DLG2: variants seen among roughly 807,000 people sequenced by gnomAD.
The protein encoded by DLG2 is discs large MAGUK scaffold protein 2.
In DLG2, 45 loss-of-function variants were observed where a neutral mutation model predicts 132.5. The ratio of observed to expected loss-of-function variants is 0.34; its 90% confidence interval spans 0.27 to 0.44. The LOEUF is 0.44. Ranked by LOEUF, DLG2 falls within the 20% of genes least tolerant of loss-of-function variation. The pLI is 1.00. For synonymous variants in DLG2, 424 were observed against 419.6 expected (o/e 1.01, Z -0.13); for missense variants, 1,045 against 1,196.9 (o/e 0.87, Z 1.87).
At chr11:84,750,906 T>C (rs2066022531) in intron 6 of DLG2, among the ~76,000 whole-genome samples, 1 of 152,174 alleles carries the variant, frequency 6.6e-6, no homozygotes, top group South Asian at 2.1e-4. Flanking sequence ...CACTTCCCAG[T>C]GGTTTCTGGA....
rs563910953 is a variant in DLG2, at chr11:84,673,929, T to C, written c.358-139198A>G. Among the ~76,000 whole-genome samples the C allele has an allele frequency of 2.0e-3, 304 of 152,264 alleles. 1 individual carries two copies. The highest frequency in any genetic ancestry group is 0.01 in the Middle Eastern group (3 of 294). Reference sequence around the variant, plus strand: ...ATGCAAATGCTGGCTTGCTGTCTTCTGAATAGGAGTAACAGCTTTCATATG... The same window carrying C: ...ATGCAAATGCTGGCTTGCTGTCTTCCGAATAGGAGTAACAGCTTTCATATG... On this transcript the variant is annotated intron_variant, in intron 6 of 27. Coordinates refer to ENST00000376104, the MANE Select transcript of DLG2 (RefSeq NM_001142699.3).
chr11:85,583,061 T>C (rs1057504975), intron 3 of DLG2, among the ~76,000 whole-genome samples: 1 of 96,426 alleles, frequency 1.0e-5, no homozygotes, highest in African/African-American at 4.5e-5. Flanking sequence ...AAAAAAAATA[T>C]ATATATATAT....
chr11:84,884,803 A>C (rs2087955526), intron 6 of DLG2, among the ~76,000 whole-genome samples: 2 of 152,112 alleles, frequency 1.3e-5, no homozygotes, highest in African/African-American at 4.8e-5. Context: ...TGGTCCAAAA[A>C]TATTAAATGA....
chr11:84,338,389 CTT>C (rs1418443669), intron 7 of DLG2, among the ~76,000 whole-genome samples: 1 of 152,050 alleles, frequency 6.6e-6, no homozygotes, highest in African/African-American at 2.4e-5. Flanking sequence ...TATTTTATAA[CTT>C]ATTTTTTTTT....
chr11:84,489,924 G>A (rs952883456), intron 7 of DLG2, among the ~76,000 whole-genome samples: 1 of 151,926 alleles, frequency 6.6e-6, no homozygotes, highest in African/African-American at 2.4e-5. Context: ...GGAGAAAAAA[G>A]AGGCAGAAAA....
At chr11:83,508,104 T>C (rs1303640141) in intron 21 of DLG2, among the ~76,000 whole-genome samples, 1 of 151,978 alleles carries the variant, frequency 6.6e-6, no homozygotes, top group Non-Finnish European at 1.5e-5. Flanking sequence ...AATGCTAATC[T>C]CCTTTGGCAA....
intron 19 of DLG2, among the ~76,000 whole-genome samples, chr11:83,572,522 C>A (rs1300622758): frequency 6.6e-6 from 1 of 152,194 alleles, no homozygotes; most frequent in Admixed American, 6.6e-5. Flanking sequence ...ATGATACAGA[C>A]AGGTAGCAGA....
intron 6 of DLG2, among the ~76,000 whole-genome samples, chr11:85,087,224 C>A (rs1200749579): frequency 1.3e-5 from 2 of 152,022 alleles, no homozygotes; most frequent in Non-Finnish European, 2.9e-5. Flanking sequence ...AATAAAGGTA[C>A]AATTACAAAT....
intron 7 of DLG2, among the ~76,000 whole-genome samples, chr11:84,347,680 T>A (rs2098545154): frequency 6.6e-6 from 1 of 152,186 alleles, no homozygotes; most frequent in Admixed American, 6.5e-5. Flanking sequence ...TAGCACCCTA[T>A]GCTGAAATAG....
chr11:83,493,226 G>A (rs746069655), intron 21 of DLG2, among the ~76,000 whole-genome samples: 11 of 151,906 alleles, frequency 7.2e-5, no homozygotes, highest in Non-Finnish European at 1.6e-4. Flanking sequence ...TCCTCACATC[G>A]TTCAGAGTTC....
chr11:83,950,921 C>A (rs7935290), intron 14 of DLG2, among the ~76,000 whole-genome samples: 2,017 of 152,208 alleles, frequency 0.013, 41 homozygotes, highest in African/African-American at 0.046. Flanking sequence ...TGCCTGCCCC[C>A]CCCTCCACAC....
intron 7 of DLG2, among the ~76,000 whole-genome samples, chr11:84,328,944 A>T (rs1376388775): frequency 6.6e-6 from 1 of 152,196 alleles, no homozygotes; most frequent in Non-Finnish European, 1.5e-5. Context: ...CCTAGTTTCT[A>T]TCAGGAACTA....
chr11:84,253,050 T>C (rs1164085711), intron 7 of DLG2, among the ~76,000 whole-genome samples: 1 of 152,170 alleles, frequency 6.6e-6, no homozygotes, highest in African/African-American at 2.4e-5. Context: ...AACATAACCT[T>C]GGCATACATA....
At chr11:83,696,008 G>C (rs2081871072) in intron 18 of DLG2, among the ~76,000 whole-genome samples, 1 of 152,202 alleles carries the variant, frequency 6.6e-6, no homozygotes, top group South Asian at 2.1e-4. Flanking sequence ...TGGGTCAGGG[G>C]ACTCCATCCC....
At chr11:85,478,569 C>T (rs1041360597) in intron 3 of DLG2, among the ~76,000 whole-genome samples, 1 of 152,182 alleles carries the variant, frequency 6.6e-6, no homozygotes, top group Non-Finnish European at 1.5e-5. Flanking sequence ...CTCAATTCTA[C>T]TACTTGCTAA....
At chr11:84,716,726 A>AG (rs1436766426) in intron 6 of DLG2, among the ~76,000 whole-genome samples, 1 of 149,614 alleles carries the variant, frequency 6.7e-6, no homozygotes, top group East Asian at 2.0e-4. Flanking sequence ...AAAAAAAGGT[A>AG]GGGGGGAACT....
chr11:84,620,203 G>A (rs978111060), intron 6 of DLG2, among the ~76,000 whole-genome samples: 1 of 151,768 alleles, frequency 6.6e-6, no homozygotes, highest in Non-Finnish European at 1.5e-5. Context: ...AGGACAAAGT[G>A]AGCATTGCAG....
intron 17 of DLG2, among the ~76,000 whole-genome samples, chr11:83,812,385 C>T (rs989008183): frequency 6.6e-6 from 1 of 152,070 alleles, no homozygotes; most frequent in South Asian, 2.1e-4. Flanking sequence ...CTATCTAGTC[C>T]ACATTTATTG....
chr11:83,938,561 A>G (rs2081993923), intron 14 of DLG2, among the ~76,000 whole-genome samples: 1 of 152,228 alleles, frequency 6.6e-6, no homozygotes, highest in African/African-American at 2.4e-5. Context: ...ATAAGAAGTT[A>G]TGGAAGACAG....
Sources: allele counts gnomAD v4.1 joint callset (sites outside exome capture counted in the v4.1 genomes callset), GRCh38; gene constraint gnomAD v4.1.1; transcripts MANE v1.5; gene names NCBI Gene and HGNC (gene_info 2026-07-23, HGNC 2026-07-21).